The following FGF18 variants were observed in gnomAD, a reference collection of about 807,000 sequenced individuals.
FGF18 encodes fibroblast growth factor 18.
A neutral mutation model predicts 23.0 loss-of-function variants in FGF18; 5 were observed. The observed-to-expected ratio is 0.22, with a 90% CI of 0.11 to 0.46. The LOEUF (loss-of-function observed/expected upper bound fraction) is 0.46, where lower values mean the gene tolerates loss of function less well. FGF18 is among the 20% of genes least tolerant of loss of function. FGF18 has a pLI of 0.99. For synonymous variants in FGF18, 117 were observed against 118.9 expected (o/e 0.98, Z 0.10); for missense variants, 180 against 291.6 (o/e 0.62, Z 2.79).
intron 2 of FGF18, among the ~76,000 whole-genome samples, chr5:171,422,016 A>G (rs940606982): frequency 1.3e-5 from 2 of 152,100 alleles, no homozygotes; most frequent in African/African-American, 4.8e-5. Flanking sequence ...GACCTGGGCA[A>G]GAGCTCTTTT....
intron 3 of FGF18, among the ~76,000 whole-genome samples, chr5:171,437,548 T>A (rs1772268849): frequency 1.3e-5 from 2 of 152,174 alleles, no homozygotes; most frequent in African/African-American, 4.8e-5. Flanking sequence ...CCCGTTTTGT[T>A]TTTGTCCACC....
chr5:171,424,908 A>T (rs1183965482), intron 2 of FGF18, among the ~76,000 whole-genome samples: 8 of 152,076 alleles, frequency 5.3e-5, no homozygotes, highest in Non-Finnish European at 1.5e-5. Flanking sequence ...GAAGCTTGGG[A>T]GTGTCACCCG....
At chr5:171,452,153 C>A (rs1415573700) in intron 4 of FGF18, among the ~76,000 whole-genome samples, 1 of 152,242 alleles carries the variant, frequency 6.6e-6, no homozygotes, top group Non-Finnish European at 1.5e-5. Flanking sequence ...GTCTAAGCGC[C>A]CTGGCCTTGC....
chr5:171,432,952 G>A (rs551077203), intron 2 of FGF18, among the ~76,000 whole-genome samples: 1 of 152,372 alleles, frequency 6.6e-6, no homozygotes, highest in Non-Finnish European at 1.5e-5. Context: ...AGCCATTGCA[G>A]TAGAGTGTTC....
intron 3 of FGF18, among the ~76,000 whole-genome samples, chr5:171,448,450 C>A (rs1293057184): frequency 6.6e-6 from 1 of 152,194 alleles, no homozygotes; most frequent in Non-Finnish European, 1.5e-5. Flanking sequence ...GATGTTTGCC[C>A]TGCAGGAAGG....
chr5:171,456,185 G>C lies in FGF18; in HGVS notation c.358-354G>C, dbSNP rs1477998464. Among the ~76,000 whole-genome samples, 1 of 152,142 alleles carries C rather than the reference G, an allele frequency of 6.6e-6. No individual in the cohort carries two copies. Among genetic ancestry groups the C allele is most frequent in the Non-Finnish European group, 1.5e-5 (1 of 68,024 alleles). On this transcript the variant is annotated intron_variant, in intron 4 of 4. Transcript: ENST00000274625. The surrounding 1 kb of genome is among the most constrained non-coding windows in gnomAD (Gnocchi z 6.1). ...GAGCCCTGCTAAGTCAGTTTAGCAA[G>C]GATCCCCCACTCTTGATATATGATC...
rs1037984550 is a variant in FGF18, at chr5:171,456,317, T to A, written c.358-222T>A. ...TAGCCAGAATCCCCTACACCCTCGATGTTTCCTCTTAGTCATTTTCCACTC... is the reference window on the plus strand; with the variant it reads ...TAGCCAGAATCCCCTACACCCTCGAAGTTTCCTCTTAGTCATTTTCCACTC... On this transcript the variant is annotated intron_variant, in intron 4 of 4. Transcript: ENST00000274625. This position sits in a 1 kb window ranked among gnomAD's most constrained non-coding sequence, Gnocchi z 6.1. Among the ~76,000 whole-genome samples the A allele has an allele frequency of 6.6e-6, 1 of 152,162 alleles. No homozygotes were observed. Among genetic ancestry groups the A allele is most frequent in the Non-Finnish European group, 1.5e-5 (1 of 68,036 alleles).
intron 2 of FGF18, among the ~76,000 whole-genome samples, chr5:171,428,782 G>A (rs963905019): frequency 3.9e-5 from 6 of 152,222 alleles, no homozygotes; most frequent in Non-Finnish European, 7.3e-5. Context: ...AGCTGGAATT[G>A]AAACAGGGAT....
chr5:171,441,002 A>C (rs1245045628), intron 3 of FGF18, among the ~76,000 whole-genome samples: 1 of 152,146 alleles, frequency 6.6e-6, no homozygotes, highest in Admixed American at 6.5e-5. Context: ...GGGCCCCTTT[A>C]AATGTGGCTA....
chr5:171,434,310 A>G lies in FGF18; in HGVS notation c.70-1783A>G, dbSNP rs539325842. Among the ~76,000 whole-genome samples, 11 of 152,350 alleles carry G rather than the reference A, an allele frequency of 7.2e-5. No homozygotes were observed. In the South Asian group the frequency reaches 1.4e-3, roughly 20 times the overall value. ...TGAGGACAATCATGAAGGTTCAACA[A>G]TGTGGTCCTGCTGACATACCTGTGG... On this transcript the variant is annotated intron_variant, in intron 2 of 4. Transcript: ENST00000274625. The surrounding 1 kb of genome is among the most constrained non-coding windows in gnomAD (Gnocchi z 4.6).
At position 171,451,696 on chromosome 5, in the gene FGF18, G is replaced by A. The variant is rs558238482; in HGVS notation, c.357+2443G>A. 8.6e-5 allele frequency among the ~76,000 whole-genome samples: 13 copies of A among 151,632 alleles called. No individual in the cohort carries two copies. Among genetic ancestry groups the A allele is most frequent in the Non-Finnish European group, 1.5e-4 (10 of 67,910 alleles). On this transcript the variant is annotated intron_variant, in intron 4 of 4. Transcript: ENST00000274625. The surrounding 1 kb of genome is among the most constrained non-coding windows in gnomAD (Gnocchi z 4.5). ...TCCTCCCACCTTGCTATGGGACACC[G>A]AAGGCCCTGGGGAGCCTCCCCGGGC...
intron 4 of FGF18, 84 bp downstream of exon 4, chr5:171,449,337 T>G (rs1772459444): frequency 4.8e-6 from 4 of 835,710 alleles, no homozygotes; most frequent in Non-Finnish European, 8.1e-6. Context: ...CAGGGCACTG[T>G]CAGTCCCAAA....
intron 4 of FGF18, among the ~76,000 whole-genome samples, chr5:171,453,231 C>T (rs756865220): frequency 1.3e-5 from 2 of 152,166 alleles, no homozygotes; most frequent in African/African-American, 4.8e-5. Context: ...GCGTCAAGCC[C>T]GGATGTAGCC....
chr5:171,449,494 G>A (rs1772467310), intron 4 of FGF18, among the ~76,000 whole-genome samples: 1 of 151,692 alleles, frequency 6.6e-6, no homozygotes, highest in Non-Finnish European at 1.5e-5. Flanking sequence ...TCTTCCCCGG[G>A]CACTTGAACT....
chr5:171,457,211 C>T lies in FGF18; in HGVS notation c.*406C>T, dbSNP rs1039562983. 6.2e-6 allele frequency: 1 copy of T among 162,206 alleles called. No individual in the cohort carries two copies. The highest frequency in any genetic ancestry group is 1.3e-5 in the Non-Finnish European group (1 of 74,434). The allele number at this position is 162,206 out of a possible 1,614,324, so 10.0% of individuals were successfully genotyped here. A position where few individuals can be genotyped will look rare whatever the true frequency, so the allele number is the denominator to read the frequency against. ...AAACAAAGAGAAAGTAGTACTCCGC[C>T]CACCAACAAACTCCCCCTAACTTTC... On this transcript the variant is annotated 3_prime_UTR_variant, in exon 5 of 5. Coordinates refer to ENST00000274625, the MANE Select transcript of FGF18 (RefSeq NM_003862.3).
At chr5:171,453,713 G>C (rs1772546403) in intron 4 of FGF18, among the ~76,000 whole-genome samples, 2 of 152,188 alleles carry the variant, frequency 1.3e-5, no homozygotes, top group Admixed American at 6.5e-5. Context: ...TTGGCCTGTA[G>C]TTGGCAATCA....
rs1460652462 is a variant in FGF18 at position 171,451,828 on chromosome 5, C to T, written c.357+2575C>T. Among the ~76,000 whole-genome samples the T allele has an allele frequency of 6.6e-6, 1 of 152,244 alleles. No individual in the cohort carries two copies. The highest frequency in any genetic ancestry group is 1.9e-4 in the East Asian group (1 of 5,192). On this transcript the variant is annotated intron_variant, in intron 4 of 4. Coordinates refer to ENST00000274625, the MANE Select transcript of FGF18 (RefSeq NM_003862.3). This position sits in a 1 kb window ranked among gnomAD's most constrained non-coding sequence, Gnocchi z 4.5. The stretch of plus-strand genomic sequence containing the variant: ...TGCCCTCTGCCGGGACTGCCCTTCC[C>T]TCTGTCCACTTGCCCTGAGTCCTGG...
At position 171,436,996 on chromosome 5, in the gene FGF18, G is replaced by A. The variant is rs1211979146; in HGVS notation, c.250+723G>A. On this transcript the variant is annotated intron_variant, in intron 3 of 4. Transcript: ENST00000274625. The surrounding 1 kb of genome is among the most constrained non-coding windows in gnomAD (Gnocchi z 4.4). ...TAGACAGACACTGAGCAAATACCAC[G>A]CAGATTATTTATTTAAAATTGCCAG... 4.6e-5 allele frequency among the ~76,000 whole-genome samples: 7 copies of A among 152,364 alleles called. No individual in the cohort carries two copies. Among genetic ancestry groups the A allele is most frequent in the Admixed American group, 1.3e-4 (2 of 15,308 alleles).
intron 2 of FGF18, among the ~76,000 whole-genome samples, chr5:171,422,829 C>T (rs911628536): frequency 6.6e-6 from 1 of 152,162 alleles, no homozygotes; most frequent in East Asian, 1.9e-4. Flanking sequence ...AATCCAGTGG[C>T]CTAGGCCTGA....
Sources: gnomAD v4.1 joint callset for allele counts (sites outside exome capture counted in the v4.1 genomes callset) on GRCh38, gnomAD v4.1.1 for gene constraint, Gnocchi (gnomAD v3.1) non-coding constraint, MANE v1.5 for transcripts, NCBI Gene and HGNC (gene_info 2026-07-23, HGNC 2026-07-21) for gene names.